The following PIK3CD variants were observed in gnomAD, a reference collection of about 807,000 sequenced individuals.
PIK3CD encodes the protein phosphatidylinositol 4,5-bisphosphate 3-kinase catalytic subunit delta isoform.
Under a neutral mutation model 122.9 loss-of-function variants are expected in PIK3CD, and 20 were observed. That is an observed-to-expected ratio of 0.16 (90% CI 0.11 to 0.24). The LOEUF (loss-of-function observed/expected upper bound fraction) is 0.24, where lower values mean the gene tolerates loss of function less well. Ranked by LOEUF, PIK3CD falls within the 10% of genes least tolerant of loss-of-function variation. The pLI, the probability that PIK3CD is intolerant of heterozygous loss-of-function variation, is 1.00. For missense variants in PIK3CD, 787 were observed against 1,406.3 expected (o/e 0.56, Z 7.04); for synonymous variants, 596 against 593.4 (o/e 1.00, Z -0.06).
the PIK3CD span, among the ~76,000 whole-genome samples, chr1:9,630,922 T>A: frequency 6.6e-6 from 1 of 151,932 alleles, no homozygotes; most frequent in African/African-American, 2.4e-5. Context: ...GCTGGCTGGG[T>A]TGGCTCCATT....
Position 9,726,885 on chromosome 1 carries a change from G to A in PIK3CD, c.2998-24G>A, listed in dbSNP as rs750474461. The A allele has an allele frequency of 2.5e-6, 4 of 1,613,680 alleles. No homozygotes were observed. In the Admixed American group the frequency reaches 6.7e-5, roughly 27 times the overall value. ...GCAAGGTCCGGGCCCCCTTAACGTG[G>A]ACACCGCTGTGATTTGTTTGCAGGA... is the stretch of plus-strand genomic sequence containing the variant. On this transcript the variant is annotated intron_variant, in intron 23 of 23. Coordinates refer to ENST00000377346, the MANE Select transcript of PIK3CD (RefSeq NM_005026.5).
At position 9,718,727 on chromosome 1, in the gene PIK3CD, G is replaced by A. The variant is rs759798937; in HGVS notation, c.1054G>A (p.Glu352Lys). The A allele has an allele frequency of 2.5e-6, 4 of 1,607,466 alleles. No individual in the cohort carries two copies. The highest frequency in any genetic ancestry group is 3.4e-6 in the Non-Finnish European group (4 of 1,179,854). Residue 352 changes from glutamate to lysine, a missense_variant, in exon 9 of 24, where the codon GAG (glutamate) becomes AAG (lysine). Physicochemically the swap from Glu to Lys is moderately conservative, Grantham distance 56. Around this residue, in one of 6 missense-constraint regions of PIK3CD, gnomAD observed 592 missense variants for 920.6 expected, o/e 0.64. Transcript: ENST00000377346. This position sits in a 1 kb window ranked among gnomAD's most constrained non-coding sequence, Gnocchi z 7.2. ...VVQAGLFHGN[E>K]MLCKTVSSSE... ...GCAGGCCGGGCTTTTCCACGGCAACGAGATGCTGTGCAAGACGGTGTCCAG... is the reference window on the plus strand; with the variant it reads ...GCAGGCCGGGCTTTTCCACGGCAACAAGATGCTGTGCAAGACGGTGTCCAG...
At chr1:9,716,233 TC>T in intron 5 of PIK3CD, 155 bp downstream of exon 5, 4 of 828,806 alleles carry the variant, frequency 4.8e-6, no homozygotes, top group Non-Finnish European at 7.9e-6. Flanking sequence ...CAACTGAACG[TC>T]CCCCCAGGCA....
intron 6 of PIK3CD, 102 bp downstream of exon 6, chr1:9,716,721 G>C: frequency 1.5e-6 from 2 of 1,321,074 alleles, no homozygotes; most frequent in South Asian, 1.3e-5. Flanking sequence ...TGAGCCTGCC[G>C]AGCCAGGCCT....
chr1:9,726,211 T>A (rs1649548500), intron 23 of PIK3CD, among the ~76,000 whole-genome samples: 1 of 147,808 alleles, frequency 6.8e-6, no homozygotes, highest in African/African-American at 2.5e-5. Flanking sequence ...AGACTCTGTC[T>A]CAAAAAGAAA....
Position 9,724,266 on chromosome 1 carries a change from C to T in PIK3CD, c.2719-10C>T. ...TTCTCAATCCTCCCCCTCCTCTCCC[C>T]TCCCCTCAGCTGTTCCACATTGATT... is the stretch of plus-strand genomic sequence containing the variant. On this transcript the variant is annotated splice_polypyrimidine_tract_variant and intron_variant, in intron 21 of 23. Coordinates refer to ENST00000377346, the MANE Select transcript of PIK3CD (RefSeq NM_005026.5). This position sits in a 1 kb window ranked among gnomAD's most constrained non-coding sequence, Gnocchi z 7.3. 2 of 1,614,118 alleles carry T rather than the reference C, an allele frequency of 1.2e-6. No individual in the cohort carries two copies. The highest frequency in any genetic ancestry group is 1.7e-6 in the Non-Finnish European group (2 of 1,180,024).
At chr1:9,632,148 G>A in the PIK3CD span, among the ~76,000 whole-genome samples, 1 of 152,054 alleles carries the variant, frequency 6.6e-6, no homozygotes, top group Non-Finnish European at 1.5e-5. Context: ...GAGTAGCTAG[G>A]ATTACAGGCA....
At chr1:9,693,596 A>G (rs1372913436) in intron 2 of PIK3CD, among the ~76,000 whole-genome samples, 2 of 152,152 alleles carry the variant, frequency 1.3e-5, no homozygotes, top group Non-Finnish European at 2.9e-5. Flanking sequence ...AGACTTTGAC[A>G]TAAACATAAC....
Position 9,720,562 on chromosome 1 carries a change from C to A in PIK3CD, c.1471-49C>A. On this transcript the variant is annotated intron_variant, in intron 11 of 23. Coordinates refer to ENST00000377346, the MANE Select transcript of PIK3CD (RefSeq NM_005026.5). This position sits in a 1 kb window ranked among gnomAD's most constrained non-coding sequence, Gnocchi z 9.0. Reference sequence around the variant, plus strand: ...CAATGCCCGGCCTGGGGGTCCTGCCCGGGCTGGTCCAGGCCCCTGGGGACG... The same window carrying A: ...CAATGCCCGGCCTGGGGGTCCTGCCAGGGCTGGTCCAGGCCCCTGGGGACG... The A allele has an allele frequency of 6.5e-7, 1 of 1,547,440 alleles. No individual in the cohort carries two copies. Among genetic ancestry groups the A allele is most frequent in the Non-Finnish European group, 8.7e-7 (1 of 1,145,518 alleles).
chr1:9,683,265 C>G (rs989367206), intron 1 of PIK3CD, among the ~76,000 whole-genome samples: 3 of 151,616 alleles, frequency 2.0e-5, no homozygotes, highest in African/African-American at 7.3e-5. Flanking sequence ...GGTGAAAACC[C>G]ATCTCTACTA....
At chr1:9,684,318 C>A (rs1412254492) in intron 1 of PIK3CD, among the ~76,000 whole-genome samples, 1 of 152,126 alleles carries the variant, frequency 6.6e-6, no homozygotes, top group Non-Finnish European at 1.5e-5. Flanking sequence ...GGGTGGATCA[C>A]CTGGGGTCAG....
At chr1:9,673,999 C>T (rs1334299352) in intron 1 of PIK3CD, among the ~76,000 whole-genome samples, 1 of 152,172 alleles carries the variant, frequency 6.6e-6, no homozygotes, top group South Asian at 2.1e-4. Flanking sequence ...CATGGCACCC[C>T]GGGGGTGGTC....
Position 9,717,620 on chromosome 1 carries a change from G to A in PIK3CD, c.1014G>A (p.Arg338=), listed in dbSNP as rs768748041. ...IQGSKVNADE[R]MKLVVQAGLF... ...GCAGCAAAGTGAACGCCGACGAGCG[G>A]ATGAAGGTGGGGCTCCTGGGATAGG... is the stretch of plus-strand genomic sequence containing the variant. The change falls in exon 8 of 24, where the codon CGG becomes CGA. Residue 338 remains arginine (R), a synonymous_variant. Transcript: ENST00000377346. This position sits in a 1 kb window ranked among gnomAD's most constrained non-coding sequence, Gnocchi z 5.4. The A allele has an allele frequency of 2.5e-5, 41 of 1,614,116 alleles. No homozygotes were observed. The highest frequency in any genetic ancestry group is 3.3e-5 in the Admixed American group (2 of 60,026).
At chr1:9,660,826 T>C (rs893491125) in intron 1 of PIK3CD, 6 of 152,222 alleles carry the variant, frequency 3.9e-5, no homozygotes, top group African/African-American at 1.4e-4. Context: ...ATAAAATGAC[T>C]TTATTCTTGC....
intron 2 of PIK3CD, among the ~76,000 whole-genome samples, chr1:9,693,945 C>A (rs140749313): frequency 6.6e-6 from 1 of 152,128 alleles, no homozygotes; most frequent in Non-Finnish European, 1.5e-5. Context: ...ACCACCCCCC[C>A]AGGCCACATA....
chr1:9,713,690 A>G (rs1388164664), intron 3 of PIK3CD, among the ~76,000 whole-genome samples: 6 of 152,118 alleles, frequency 3.9e-5, no homozygotes, highest in African/African-American at 1.2e-4. Context: ...TCCTGGGCCC[A>G]AGCGATCTTC....
At chr1:9,676,872 G>A (rs1645558639) in intron 1 of PIK3CD, among the ~76,000 whole-genome samples, 1 of 152,166 alleles carries the variant, frequency 6.6e-6, no homozygotes, top group Non-Finnish European at 1.5e-5. Context: ...TGTGCTATGG[G>A]ACAGAGTCTG....
Position 9,710,366 on chromosome 1 carries a change from C to T in PIK3CD, c.-32-58C>T, listed in dbSNP as rs767184393. On this transcript the variant is annotated intron_variant, in intron 2 of 23. Coordinates refer to ENST00000377346, the MANE Select transcript of PIK3CD (RefSeq NM_005026.5). This position sits in a 1 kb window ranked among gnomAD's most constrained non-coding sequence, Gnocchi z 4.7. ...CCCACTGTTTTCCAGGGAGTCCCTTCCAAAGGTCTCACCCAGCTCAGCTGA... is the reference window on the plus strand; with the variant it reads ...CCCACTGTTTTCCAGGGAGTCCCTTTCAAAGGTCTCACCCAGCTCAGCTGA... 4.3e-6 allele frequency: 6 copies of T among 1,407,314 alleles called. No individual in the cohort carries two copies. The South Asian group carries it at 6.9e-5, about 16-fold the overall frequency. The allele number at this position is 1,407,314 out of a possible 1,614,324, so 87.2% of individuals were successfully genotyped here.
the PIK3CD span, among the ~76,000 whole-genome samples, chr1:9,636,812 G>C: frequency 6.6e-6 from 1 of 152,220 alleles, no homozygotes; most frequent in South Asian, 2.1e-4. Context: ...TTAGGGCTTA[G>C]GTGGATAGAG....
Sources: gnomAD v4.1 joint callset for allele counts (sites outside exome capture counted in the v4.1 genomes callset) on GRCh38, gnomAD v4.1.1 for gene constraint, gnomAD v4.1.1 regional missense constraint, Gnocchi (gnomAD v3.1) non-coding constraint, MANE v1.5 for transcripts, NCBI Gene and HGNC (gene_info 2026-07-23, HGNC 2026-07-21) for gene names.